DLG2: variants seen among roughly 807,000 people sequenced by gnomAD.
DLG2 encodes the protein disks large homolog 2.
A neutral mutation model predicts 132.5 loss-of-function variants in DLG2; 45 were observed. The observed-to-expected ratio is 0.34, with a 90% CI of 0.27 to 0.44. DLG2 has a LOEUF of 0.44. Ranked by LOEUF, DLG2 falls within the 20% of genes least tolerant of loss-of-function variation. The probability of loss-of-function intolerance (pLI) is 1.00; values close to 1 mark genes in which losing one functional copy is unlikely to be tolerated. For synonymous variants in DLG2, 424 were observed against 419.6 expected (o/e 1.01, Z -0.13); for missense variants, 1,045 against 1,196.9 (o/e 0.87, Z 1.87).
At chr11:85,212,989 A>G (rs1398447082) in intron 4 of DLG2, among the ~76,000 whole-genome samples, 5 of 152,156 alleles carry the variant, frequency 3.3e-5, no homozygotes, top group Non-Finnish European at 7.4e-5. Context: ...AATTATGGAG[A>G]ATACATATCT....
chr11:84,252,077 G>A (rs2097386476), intron 7 of DLG2, among the ~76,000 whole-genome samples: 1 of 150,692 alleles, frequency 6.6e-6, no homozygotes, highest in Non-Finnish European at 1.5e-5. Context: ...ATACAAAAAG[G>A]CTTCACTTAT....
At chr11:84,165,348 G>A (rs1344295681) in intron 8 of DLG2, among the ~76,000 whole-genome samples, 1 of 152,178 alleles carries the variant, frequency 6.6e-6, no homozygotes, top group Non-Finnish European at 1.5e-5. Flanking sequence ...CATAGTTGTG[G>A]CCTATCAAAA....
chr11:83,891,992 T>A (rs1237666906), intron 15 of DLG2, among the ~76,000 whole-genome samples: 1 of 152,160 alleles, frequency 6.6e-6, no homozygotes, highest in Non-Finnish European at 1.5e-5. Context: ...TTCCTTACAG[T>A]GGTCACTGTA....
chr11:85,354,380 G>T (rs930317785), intron 3 of DLG2, among the ~76,000 whole-genome samples: 1 of 151,948 alleles, frequency 6.6e-6, no homozygotes, highest in Non-Finnish European at 1.5e-5. Context: ...TCAAAACTCA[G>T]ATATACGACA....
intron 19 of DLG2, among the ~76,000 whole-genome samples, chr11:83,586,310 T>C (rs2097085195): frequency 1.3e-5 from 2 of 152,238 alleles, no homozygotes; most frequent in African/African-American, 4.8e-5. Flanking sequence ...TGTGTTCTAT[T>C]AAAAACACAA....
At chr11:84,695,176 G>T (rs2058491407) in intron 6 of DLG2, among the ~76,000 whole-genome samples, 1 of 151,524 alleles carries the variant, frequency 6.6e-6, no homozygotes, top group South Asian at 2.1e-4. Context: ...AGTGCCCTTT[G>T]CACAGTTCTG....
intron 6 of DLG2, among the ~76,000 whole-genome samples, chr11:84,869,495 G>A (rs927841521): frequency 2.0e-5 from 3 of 151,644 alleles, no homozygotes; most frequent in Admixed American, 1.3e-4. Flanking sequence ...TAATCAAAGT[G>A]AACAAAAAGC....
intron 7 of DLG2, among the ~76,000 whole-genome samples, chr11:84,512,024 C>T (rs1196838239): frequency 6.6e-6 from 1 of 152,116 alleles, no homozygotes; most frequent in African/African-American, 2.4e-5. Flanking sequence ...GGGACTTAAA[C>T]TTAGTTTTGA....
chr11:84,059,240 A>T, intron 11 of DLG2, 75 bp downstream of exon 11: 1 of 1,435,556 alleles, frequency 7.0e-7, no homozygotes, highest in South Asian at 1.2e-5. Context: ...AGAGTTCATC[A>T]TACGACTATC....
At chr11:85,420,067 G>A (rs924987091) in intron 3 of DLG2, among the ~76,000 whole-genome samples, 1 of 152,180 alleles carries the variant, frequency 6.6e-6, no homozygotes, top group Non-Finnish European at 1.5e-5. Flanking sequence ...CATTTTCATG[G>A]ATTTATCTAC....
intron 17 of DLG2, chr11:83,815,244 T>C (rs990020289): frequency 1.3e-5 from 2 of 152,400 alleles, no homozygotes; most frequent in Admixed American, 6.5e-5. Flanking sequence ...AAGACTGCCA[T>C]GTTTAAGATC....
chr11:85,253,149 C>G (rs2076482123), intron 4 of DLG2, among the ~76,000 whole-genome samples: 1 of 152,172 alleles, frequency 6.6e-6, no homozygotes, highest in South Asian at 2.1e-4. Context: ...TACATGATTT[C>G]TACACATTTT....
chr11:83,843,785 A>G (rs1387680884), intron 16 of DLG2, among the ~76,000 whole-genome samples: 1 of 152,192 alleles, frequency 6.6e-6, no homozygotes, highest in Non-Finnish European at 1.5e-5. Context: ...ACAATGAACT[A>G]AAGGCATCTA....
chr11:85,088,702 T>C (rs1040862228), intron 6 of DLG2, among the ~76,000 whole-genome samples: 1 of 152,212 alleles, frequency 6.6e-6, no homozygotes. Context: ...ATGGAATGTC[T>C]AATATTTGAT....
intron 21 of DLG2, among the ~76,000 whole-genome samples, chr11:83,515,260 G>T (rs941399278): frequency 1.3e-5 from 2 of 152,166 alleles, no homozygotes; most frequent in African/African-American, 4.8e-5. Flanking sequence ...TCTTGGGAGG[G>T]TGTATGTGTC....
At chr11:85,303,667 T>C (rs2079753620) in intron 3 of DLG2, among the ~76,000 whole-genome samples, 1 of 152,220 alleles carries the variant, frequency 6.6e-6, no homozygotes, top group Admixed American at 6.5e-5. Flanking sequence ...TGTGTATGTC[T>C]GTGTGCGTAT....
chr11:84,067,448 C>G (rs2096693937), intron 10 of DLG2, among the ~76,000 whole-genome samples: 1 of 152,080 alleles, frequency 6.6e-6, no homozygotes, highest in Non-Finnish European at 1.5e-5. Flanking sequence ...TGTTTTTCTT[C>G]TATTCCTGAA....
intron 4 of DLG2, among the ~76,000 whole-genome samples, chr11:85,155,321 G>T (rs922692024): frequency 6.6e-6 from 1 of 152,158 alleles, no homozygotes; most frequent in Admixed American, 6.6e-5. Flanking sequence ...CAAGTAATTA[G>T]TCTCTGCCCT....
rs60714512 is a variant in DLG2 at position 84,823,581 on chromosome 11, CCACACACACACACA to C, written c.357+288066_357+288079del. 4.8e-4 allele frequency among the ~76,000 whole-genome samples: 64 copies of C among 134,494 alleles called. 1 individual carries two copies. The East Asian group carries it at 7.7e-3, about 16-fold the overall frequency. 88.2% of individuals were successfully genotyped at this position (134,494 alleles called of 152,430 possible). On this transcript the variant is annotated intron_variant, in intron 6 of 27. Transcript: ENST00000376104. ...CTGTTAGAATGGGATGGTTGTATAT[CCACACACACACACA>C]CACACACACACACACACACACACAC...
Sources: allele counts gnomAD v4.1 joint callset (sites outside exome capture counted in the v4.1 genomes callset), GRCh38; gene constraint gnomAD v4.1.1; transcripts MANE v1.5; gene names NCBI Gene and HGNC (gene_info 2026-07-23, HGNC 2026-07-21).